The following SUMF1 variants were observed in gnomAD, a reference collection of about 807,000 sequenced individuals.
SUMF1 encodes formylglycine-generating enzyme.
Under a neutral mutation model 47.6 loss-of-function variants are expected in SUMF1, and 48 were observed. That is an observed-to-expected ratio of 1.01 (90% CI 0.80 to 1.28). SUMF1 has a LOEUF of 1.28. Ranked by LOEUF, SUMF1 falls within the 50% of genes most tolerant of loss-of-function variation. The pLI is 0.00. For synonymous variants in SUMF1, 230 were observed against 192.1 expected (o/e 1.20, Z -1.63); for missense variants, 571 against 485.4 (o/e 1.18, Z -1.66).
chr3:4,073,791 A>G (rs1214708399), intron 8 of SUMF1, among the ~76,000 whole-genome samples: 1 of 152,194 alleles, frequency 6.6e-6, no homozygotes, highest in Non-Finnish European at 1.5e-5. Context: ...AGAGCTAACT[A>G]TCCTAAATAT....
At chr3:4,084,824 T>C (rs1362649166) in intron 8 of SUMF1, among the ~76,000 whole-genome samples, 6 of 152,036 alleles carry the variant, frequency 3.9e-5, no homozygotes, top group South Asian at 4.1e-4. Context: ...TAGAAAAACA[T>C]TGTGTGGTTA....
intron 9 of SUMF1, among the ~76,000 whole-genome samples, chr3:4,068,117 C>A (rs1695421916): frequency 6.6e-6 from 1 of 152,144 alleles, no homozygotes; most frequent in Non-Finnish European, 1.5e-5. Context: ...TTAGGTTCAT[C>A]TGAGATGCAA....
At chr3:4,175,966 A>G (rs761822867) in intron 8 of SUMF1, among the ~76,000 whole-genome samples, 1 of 152,212 alleles carries the variant, frequency 6.6e-6, no homozygotes, top group African/African-American at 2.4e-5. Context: ...TAATGAAATA[A>G]GCAAGAAAAC....
chr3:4,363,450 G>T (rs913776796), intron 8 of SUMF1, among the ~76,000 whole-genome samples: 9 of 151,882 alleles, frequency 5.9e-5, no homozygotes, highest in African/African-American at 2.2e-4. Flanking sequence ...TCCCTTGTAA[G>T]GTGGATTCCT....
intron 7 of SUMF1, among the ~76,000 whole-genome samples, chr3:4,386,036 A>C (rs1379876460): frequency 1.3e-5 from 2 of 152,114 alleles, no homozygotes; most frequent in African/African-American, 4.8e-5. Context: ...TACTGTAGCT[A>C]AGTAGTAAGT....
At chr3:4,316,524 C>A in intron 8 of SUMF1, 1 of 1,581,006 alleles carries the variant, frequency 6.3e-7, no homozygotes, top group South Asian at 1.2e-5. Flanking sequence ...TACGGTCGTT[C>A]GACATTTGAA....
intron 8 of SUMF1, among the ~76,000 whole-genome samples, chr3:4,180,515 G>A (rs1212166016): frequency 7.9e-5 from 12 of 151,884 alleles, no homozygotes; most frequent in Admixed American, 2.0e-4. Context: ...GACACAGGGC[G>A]AGGAACATCA....
At chr3:4,431,450 A>G (rs1575213589) in intron 3 of SUMF1, among the ~76,000 whole-genome samples, 2 of 152,332 alleles carry the variant, frequency 1.3e-5, no homozygotes, top group East Asian at 3.9e-4. Context: ...AAAGCCCTGC[A>G]CTCAGCCACA....
intron 1 of SUMF1, among the ~76,000 whole-genome samples, chr3:4,464,928 T>A (rs139455851): frequency 4.6e-5 from 7 of 152,186 alleles, no homozygotes; most frequent in Admixed American, 4.6e-4. Context: ...ATGGCCCATA[T>A]AGCATCCAGT....
intron 3 of SUMF1, among the ~76,000 whole-genome samples, chr3:4,435,955 T>G (rs1273330435): frequency 6.6e-6 from 1 of 152,326 alleles, no homozygotes; most frequent in East Asian, 1.9e-4. Context: ...AGAAATGGTT[T>G]GGATAAATAT....
At chr3:4,362,913 C>A (rs530594097) in intron 8 of SUMF1, among the ~76,000 whole-genome samples, 59 of 150,318 alleles carry the variant, frequency 3.9e-4, no homozygotes, top group African/African-American at 1.4e-3. Context: ...GATCTTGTGT[C>A]CAAAAAAAGA....
intron 9 of SUMF1, among the ~76,000 whole-genome samples, chr3:4,040,119 T>C (rs1694883215): frequency 6.6e-6 from 1 of 152,198 alleles, no homozygotes; most frequent in African/African-American, 2.4e-5. Flanking sequence ...AGGTGATAGA[T>C]ATGTTGATTA....
chr3:4,286,967 C>T (rs1697644875), intron 8 of SUMF1, among the ~76,000 whole-genome samples: 1 of 151,798 alleles, frequency 6.6e-6, no homozygotes, highest in Non-Finnish European at 1.5e-5. Flanking sequence ...GCCTGGGATA[C>T]CCGAGATCAT....
At chr3:4,167,136 A>C (rs773558977) in intron 8 of SUMF1, among the ~76,000 whole-genome samples, 9 of 152,036 alleles carry the variant, frequency 5.9e-5, no homozygotes, top group African/African-American at 2.2e-4. Context: ...TCAAGAATGA[A>C]GCCACGGGCC....
At chr3:4,187,420 T>A (rs1198994163) in intron 8 of SUMF1, among the ~76,000 whole-genome samples, 1 of 152,154 alleles carries the variant, frequency 6.6e-6, no homozygotes, top group Non-Finnish European at 1.5e-5. Context: ...TTTGAATTCT[T>A]GTTCAAACAT....
intron 8 of SUMF1, among the ~76,000 whole-genome samples, chr3:4,216,840 G>A (rs1432704426): frequency 6.6e-6 from 1 of 152,016 alleles, no homozygotes; most frequent in Non-Finnish European, 1.5e-5. Context: ...GTTAGAATGG[G>A]GATCGTCAAA....
chr3:4,165,932 G>C (rs1694696391), intron 8 of SUMF1, among the ~76,000 whole-genome samples: 1 of 145,326 alleles, frequency 6.9e-6, no homozygotes, highest in Admixed American at 7.2e-5. Context: ...TGTGCTCACT[G>C]ATGCAGTAGC....
In SUMF1 at chr3:4,313,663, G is replaced by A. The variant is rs141194209; in HGVS notation, c.1014+62667C>T. 162 of 1,613,960 alleles carry A rather than the reference G, an allele frequency of 1.0e-4. 1 individual carries two copies. Among genetic ancestry groups the A allele is most frequent in the African/African-American group, 5.7e-4 (43 of 75,022 alleles). ...TTTTGACAGTTCTCTGTACTGCCCC[G>A]TAGAAAAGTCGAACATCAGTTGTGG... On this transcript the variant is annotated intron_variant and NMD_transcript_variant, in intron 8 of 12. Transcript: ENST00000448413.
At chr3:4,381,288 G>A (rs941841574) in intron 7 of SUMF1, among the ~76,000 whole-genome samples, 4 of 152,142 alleles carry the variant, frequency 2.6e-5, no homozygotes, top group African/African-American at 7.2e-5. Context: ...GCTAAGCTAC[G>A]AGGATGCAAA....
Sources: gnomAD v4.1 joint callset for allele counts (sites outside exome capture counted in the v4.1 genomes callset) on GRCh38, gnomAD v4.1.1 for gene constraint, MANE v1.5 for transcripts, NCBI Gene and HGNC (gene_info 2026-07-23, HGNC 2026-07-21) for gene names.